Variants in SLC24A2 observed in about 807,000 individuals in gnomAD.
The protein encoded by SLC24A2 is sodium/potassium/calcium exchanger 2.
In SLC24A2, 36 loss-of-function variants were observed where a neutral mutation model predicts 62.0. That is an observed-to-expected ratio of 0.58 (90% CI 0.44 to 0.77). SLC24A2 has a LOEUF of 0.77. Among genes scored for constraint, SLC24A2 ranks in the 30% least tolerant of loss-of-function variants. The probability of loss-of-function intolerance (pLI) is 0.00; values close to 1 mark genes in which losing one functional copy is unlikely to be tolerated. For missense variants in SLC24A2, 846 were observed against 817.9 expected (o/e 1.03, Z -0.42); for synonymous variants, 358 against 294.0 (o/e 1.22, Z -2.23).
chr9:19,827,749 GT>G, the SLC24A2 span, among the ~76,000 whole-genome samples: 1 of 152,044 alleles, frequency 6.6e-6, no homozygotes, highest in African/African-American at 2.4e-5. Flanking sequence ...CCTCACTCCT[GT>G]CCCCCAGAGA....
the SLC24A2 span, among the ~76,000 whole-genome samples, chr9:19,794,484 T>C: frequency 3.3e-5 from 5 of 151,956 alleles, no homozygotes; most frequent in South Asian, 8.3e-4. Flanking sequence ...TGAGGATTGC[T>C]GATTACCTGG....
the SLC24A2 span, among the ~76,000 whole-genome samples, chr9:19,875,916 AGTTGTGCAT>A: frequency 6.6e-6 from 1 of 152,214 alleles, no homozygotes; most frequent in Non-Finnish European, 1.5e-5. Context: ...AGGCTTCTCC[AGTTGTGCAT>A]GGTAATGTGA....
At chr9:20,277,194 A>C in the SLC24A2 span, among the ~76,000 whole-genome samples, 1 of 152,362 alleles carries the variant, frequency 6.6e-6, no homozygotes, top group East Asian at 1.9e-4. Flanking sequence ...TTCATGACTA[A>C]AACATCAAAA....
the SLC24A2 span, among the ~76,000 whole-genome samples, chr9:19,916,712 T>C: frequency 2.0e-5 from 3 of 152,008 alleles, no homozygotes; most frequent in African/African-American, 4.8e-5. Flanking sequence ...CATTCTATTA[T>C]ATGGATGTAT....
chr9:19,786,511 T>G lies in SLC24A2; in HGVS notation c.356A>C (p.Asp119Ala). The G allele has an allele frequency of 6.2e-7, 1 of 1,614,180 alleles. No homozygotes were observed. Among genetic ancestry groups the G allele is most frequent in the Non-Finnish European group, 8.5e-7 (1 of 1,180,018 alleles). The change falls in exon 2 of 11, where the codon GAC becomes GCC. Residue 119 changes from aspartate to alanine, a missense_variant. Physicochemically the swap from Asp to Ala is moderately radical, Grantham distance 126. Coordinates refer to ENST00000341998, the MANE Select transcript of SLC24A2 (RefSeq NM_020344.4). The surrounding 1 kb of genome is among the most constrained non-coding windows in gnomAD (Gnocchi z 5.0). ...SENSTDHAQGDYPKDIFSLEE... is the reference protein window; with the variant it reads ...SENSTDHAQGAYPKDIFSLEE... Reference sequence around the variant, plus strand: ...AAGGGAAAAGATGTCTTTCGGGTAGTCTCCTTGGGCGTGATCTGTACTATT... The same window carrying G: ...AAGGGAAAAGATGTCTTTCGGGTAGGCTCCTTGGGCGTGATCTGTACTATT...
chr9:19,822,790 C>A, the SLC24A2 span, among the ~76,000 whole-genome samples: 14 of 152,124 alleles, frequency 9.2e-5, no homozygotes, highest in African/African-American at 3.4e-4. Flanking sequence ...AGGGAGTGCT[C>A]ACTAGTCAGA....
At chr9:20,016,237 C>A in the SLC24A2 span, among the ~76,000 whole-genome samples, 161 of 152,204 alleles carry the variant, frequency 1.1e-3, no homozygotes, top group African/African-American at 3.5e-3. Flanking sequence ...TGTATTATTA[C>A]AGAACTCAGA....
the SLC24A2 span, among the ~76,000 whole-genome samples, chr9:19,922,933 A>G: frequency 1.3e-5 from 2 of 150,422 alleles, no homozygotes; most frequent in Non-Finnish European, 3.0e-5. Flanking sequence ...AATATTAAAA[A>G]TTATATTTTT....
the SLC24A2 span, among the ~76,000 whole-genome samples, chr9:20,236,468 T>G: frequency 6.6e-6 from 1 of 152,214 alleles, no homozygotes; most frequent in Non-Finnish European, 1.5e-5. Context: ...CCATTTGTAT[T>G]GGCTAGAAGC....
At chr9:19,696,014 G>C (rs1820180964) in intron 2 of SLC24A2, among the ~76,000 whole-genome samples, 1 of 152,142 alleles carries the variant, frequency 6.6e-6, no homozygotes, top group Non-Finnish European at 1.5e-5. Context: ...TTAAGAACCA[G>C]GCTGCACAGC....
At chr9:20,159,345 A>G in the SLC24A2 span, among the ~76,000 whole-genome samples, 1 of 151,602 alleles carries the variant, frequency 6.6e-6, no homozygotes, top group South Asian at 2.1e-4. Flanking sequence ...CATATACACT[A>G]TCTCTTTATA....
intron 4 of SLC24A2, among the ~76,000 whole-genome samples, chr9:19,616,407 G>A (rs1271670918): frequency 6.6e-6 from 1 of 152,236 alleles, no homozygotes; most frequent in African/African-American, 2.4e-5. Flanking sequence ...TGACTTGTCC[G>A]AGGTCACACA....
At chr9:19,561,310 A>ATCTT (rs1379192108) in intron 7 of SLC24A2, among the ~76,000 whole-genome samples, 2,674 of 150,710 alleles carry the variant, frequency 0.018, 15 homozygotes, top group African/African-American at 0.062. Flanking sequence ...TCTTATCCAT[A>ATCTT]AGATAAGTGA....
upstream of SLC24A2, among the ~76,000 whole-genome samples, chr9:19,789,752 A>G (rs7859535): frequency 0.79 from 120,423 of 152,100 alleles, 49,122 homozygotes; most frequent in Middle Eastern, 0.92. Context: ...AGACGGTGGT[A>G]AGACAAATTG....
chr9:19,770,674 A>G (rs189469588), intron 2 of SLC24A2, among the ~76,000 whole-genome samples: 22 of 152,342 alleles, frequency 1.4e-4, no homozygotes, highest in Admixed American at 9.1e-4. Flanking sequence ...ATATTGGAGC[A>G]TGTAGTGAGA....
At chr9:20,051,589 G>A in the SLC24A2 span, among the ~76,000 whole-genome samples, 1 of 148,274 alleles carries the variant, frequency 6.7e-6, no homozygotes, top group Non-Finnish European at 1.5e-5. Context: ...ACCACATAGT[G>A]AGCCATAAAT....
intron 4 of SLC24A2, among the ~76,000 whole-genome samples, chr9:19,617,657 C>G (rs1296148086): frequency 1.3e-5 from 2 of 152,184 alleles, no homozygotes; most frequent in East Asian, 3.8e-4. Context: ...ATCCAGAAAG[C>G]AGTATGGCCT....
the SLC24A2 span, chr9:19,895,736 A>G: frequency 7.1e-7 from 1 of 1,405,968 alleles, no homozygotes; most frequent in Non-Finnish European, 9.7e-7. Flanking sequence ...TCGAGGCTGG[A>G]GTCAAGGGGC....
At chr9:19,554,611 G>A (rs1834992951) in intron 7 of SLC24A2, among the ~76,000 whole-genome samples, 1 of 152,218 alleles carries the variant, frequency 6.6e-6, no homozygotes, top group Non-Finnish European at 1.5e-5. Context: ...TCGGCAAGGT[G>A]TGGCAATGTG....
Sources: allele counts gnomAD v4.1 joint callset (sites outside exome capture counted in the v4.1 genomes callset), GRCh38; gene constraint gnomAD v4.1.1; non-coding constraint Gnocchi (gnomAD v3.1); transcripts MANE v1.5; gene names NCBI Gene and HGNC (gene_info 2026-07-23, HGNC 2026-07-21).